Variants in PASD1 observed in about 807,000 individuals in gnomAD.
The protein encoded by PASD1 is circadian clock protein PASD1.
In PASD1, 13 loss-of-function variants were observed where a neutral mutation model predicts 58.8. The ratio of observed to expected loss-of-function variants is 0.22; its 90% confidence interval spans 0.14 to 0.35. PASD1 has a LOEUF of 0.35. Among genes scored for constraint, PASD1 ranks in the 10% least tolerant of loss-of-function variants. PASD1 has a pLI of 1.00. For synonymous variants in PASD1, 236 were observed against 216.7 expected (o/e 1.09, Z -0.78); for missense variants, 734 against 568.3 (o/e 1.29, Z -2.96).
At chrX:151,624,434 T>C (rs2013758079) in intron 7 of PASD1, among the ~76,000 whole-genome samples, 1 of 111,566 alleles carries the variant, frequency 9.0e-6, no homozygotes, top group Non-Finnish European at 1.9e-5. Flanking sequence ...CATTACCTTA[T>C]AAGGGAAGGC....
chrX:151,648,817 G>C, intron 9 of PASD1, 115 bp downstream of exon 9: 1 of 837,539 alleles, frequency 1.2e-6, no homozygotes, highest in Non-Finnish European at 1.7e-6. Flanking sequence ...CACATGAGCA[G>C]TGTTCCACAG....
At position 151,567,044 on chromosome X, in the gene PASD1, CAAAATAAA is replaced by C. The variant is rs2012853754; in HGVS notation, c.-28+3206_-28+3213del. ...GGGCAACAAGAGTGAAACTCCGTCT[CAAAATAAA>C]TAAATAAATAAATAAATAAATAAAT... is the stretch of plus-strand genomic sequence containing the variant. On this transcript the variant is annotated intron_variant, in intron 1 of 15. Coordinates refer to ENST00000370357, the MANE Select transcript of PASD1 (RefSeq NM_173493.3). Among the ~76,000 whole-genome samples, 21 of 76,312 alleles carry C rather than the reference CAAAATAAA, an allele frequency of 2.8e-4. No homozygotes were observed. The South Asian group carries it at 0.012, about 44-fold the overall frequency. The allele number at this position is 76,312 out of a possible 115,157, so 66.3% of individuals were successfully genotyped here. A position where few individuals can be genotyped will look rare whatever the true frequency, so the allele number is the denominator to read the frequency against.
chrX:151,652,414 T>C (rs760221772), intron 9 of PASD1, among the ~76,000 whole-genome samples: 16 of 109,323 alleles, frequency 1.5e-4, no homozygotes, highest in Non-Finnish European at 3.0e-4. Flanking sequence ...ACGCCTGTAG[T>C]CCCAGCTACT....
At chrX:151,579,374 TA>T (rs1197244467) in intron 1 of PASD1, among the ~76,000 whole-genome samples, 2 of 111,752 alleles carry the variant, frequency 1.8e-5, no homozygotes, top group Non-Finnish European at 3.8e-5. Context: ...AGTGAGGAAA[TA>T]TATATAAAAT....
intron 1 of PASD1, among the ~76,000 whole-genome samples, chrX:151,595,457 G>A (rs1334868932): frequency 9.0e-6 from 1 of 111,250 alleles, no homozygotes. Context: ...AGTGGCTTAC[G>A]CCTGTAATCC....
At chrX:151,624,715 G>T (rs1177877635) in intron 7 of PASD1, among the ~76,000 whole-genome samples, 1 of 111,895 alleles carries the variant, frequency 8.9e-6, no homozygotes, top group African/African-American at 3.2e-5. Context: ...TTTCATCTCT[G>T]GTTTAAAACG....
intron 1 of PASD1, among the ~76,000 whole-genome samples, chrX:151,586,934 A>G (rs2013173595): frequency 8.9e-6 from 1 of 111,746 alleles, no homozygotes; most frequent in Non-Finnish European, 1.9e-5. Flanking sequence ...CTGAGATTTC[A>G]GAACTGGCAG....
intron 1 of PASD1, among the ~76,000 whole-genome samples, chrX:151,572,696 A>G (rs925097229): frequency 1.5e-4 from 17 of 110,642 alleles, no homozygotes; most frequent in Admixed American, 3.9e-4. Context: ...GGAGACAGAG[A>G]AAAACTTACC....
At chrX:151,607,833 C>G (rs2013506801) in intron 3 of PASD1, among the ~76,000 whole-genome samples, 1 of 111,780 alleles carries the variant, frequency 8.9e-6, no homozygotes, top group African/African-American at 3.3e-5. Flanking sequence ...ACTGAAGCAC[C>G]TAGTGCTGGC....
In PASD1 at chrX:151,673,966, A is replaced by G. The variant is rs1352286667; in HGVS notation, c.1955A>G (p.Gln652Arg). The G allele has an allele frequency of 8.3e-7, 1 of 1,210,871 alleles. No individual in the cohort carries two copies. The highest frequency in any genetic ancestry group is 1.8e-5 in the South Asian group (1 of 56,929). The change falls in exon 15 of 16, where the codon CAG becomes CGG. Residue 652 changes from glutamine (Q) to arginine (R), a missense_variant. Gln to Arg is a conservative substitution (Grantham distance 43, BLOSUM62 1). Transcript: ENST00000370357. ...GCGTATCAAGGGCCCCCCGTGAACC[A>G]GCTGCCATTGATAGATACCTCAAAC... ...PEAYQGPPVN[Q>R]LPLIDTSNSE...
chrX:151,615,092 T>C (rs1004573178), intron 4 of PASD1, among the ~76,000 whole-genome samples: 10 of 111,821 alleles, frequency 8.9e-5, no homozygotes, highest in African/African-American at 3.2e-4. Context: ...TTTATTATAA[T>C]GAAGACCAGA....
chrX:151,659,777 A>C lies in PASD1; in HGVS notation c.782A>C (p.Asp261Ala), dbSNP rs1773078481. The C allele has an allele frequency of 8.3e-7, 1 of 1,203,444 alleles. No individual in the cohort carries two copies. Among genetic ancestry groups the C allele is most frequent in the Non-Finnish European group, 1.1e-6 (1 of 888,076 alleles). The change falls in exon 10 of 16, where the codon GAT becomes GCT. Residue 261 changes from aspartate to alanine, a missense_variant. Physicochemically the swap from Asp to Ala is moderately radical, Grantham distance 126 (BLOSUM62 -2). Transcript: ENST00000370357. ...GPQENVHMFV[D>A]SDSTYCSSTV... ...CAAGAAAACGTTCACATGTTTGTAGATTCTGATTCAACTTATTGCTCCAGT... is the reference window on the plus strand; with the variant it reads ...CAAGAAAACGTTCACATGTTTGTAGCTTCTGATTCAACTTATTGCTCCAGT...
intron 1 of PASD1, among the ~76,000 whole-genome samples, chrX:151,566,992 C>T (rs1269390887): frequency 1.9e-5 from 2 of 107,316 alleles, no homozygotes; most frequent in Non-Finnish European, 3.8e-5. Context: ...TGTGGTGAGC[C>T]GAAATTGCAC....
chrX:151,584,662 G>T (rs1320066419), intron 1 of PASD1, among the ~76,000 whole-genome samples: 7 of 111,793 alleles, frequency 6.3e-5, no homozygotes, highest in Non-Finnish European at 1.3e-4. Context: ...TCTTGTAAAT[G>T]CTTCCACAGG....
At chrX:151,619,519 G>A (rs942882185) in intron 4 of PASD1, among the ~76,000 whole-genome samples, 3 of 111,476 alleles carry the variant, frequency 2.7e-5, no homozygotes, top group Admixed American at 9.6e-5. Context: ...GCAAGACTAA[G>A]ATCTAGCAAA....
At chrX:151,636,594 G>A (rs2013933704) in intron 8 of PASD1, among the ~76,000 whole-genome samples, 1 of 110,656 alleles carries the variant, frequency 9.0e-6, no homozygotes, top group Admixed American at 9.7e-5. Flanking sequence ...AGTAGGGATG[G>A]GGTTTCACCA....
chrX:151,587,404 T>G (rs1353909048), intron 1 of PASD1, among the ~76,000 whole-genome samples: 1 of 110,972 alleles, frequency 9.0e-6, no homozygotes, highest in Non-Finnish European at 1.9e-5. Context: ...AGGCACAGTT[T>G]AGGGTGCTAG....
chrX:151,603,123 G>T (rs1303262480), intron 2 of PASD1, among the ~76,000 whole-genome samples: 1 of 112,465 alleles, frequency 8.9e-6, no homozygotes, highest in Non-Finnish European at 1.9e-5. Context: ...ATCTGTCTAC[G>T]CTGCCCCGTC....
At chrX:151,659,385 G>T (rs1412905185) in intron 9 of PASD1, among the ~76,000 whole-genome samples, 2 of 111,881 alleles carry the variant, frequency 1.8e-5, no homozygotes, top group Non-Finnish European at 3.8e-5. Flanking sequence ...GCATCCTACT[G>T]ACACCACTGA....
Sources: gnomAD v4.1 joint callset for allele counts (sites outside exome capture counted in the v4.1 genomes callset) on GRCh38, gnomAD v4.1.1 for gene constraint, MANE v1.5 for transcripts, NCBI Gene and HGNC (gene_info 2026-07-23, HGNC 2026-07-21) for gene names.